CYP2J2: variants seen among roughly 807,000 people sequenced by gnomAD.
CYP2J2 encodes cytochrome P450 family 2 subfamily J member 2.
A neutral mutation model predicts 48.8 loss-of-function variants in CYP2J2; 41 were observed. That is an observed-to-expected ratio of 0.84 (90% CI 0.66 to 1.09). The LOEUF is 1.09. CYP2J2 is among the 50% of genes least tolerant of loss of function. The pLI, the probability that CYP2J2 is intolerant of heterozygous loss-of-function variation, is 0.00. For missense variants in CYP2J2, 644 were observed against 617.3 expected, an observed-to-expected ratio of 1.04 and a Z score of -0.46; for synonymous variants, 221 against 227.1, an observed-to-expected ratio of 0.97 and a Z score of 0.24.
At chr1:59,931,383 A>G (rs1644602180), upstream of CYP2J2, among the ~76,000 whole-genome samples, 1 of 152,148 alleles carries the variant, frequency 6.6e-6, no homozygotes, top group African/African-American at 2.4e-5. Context: ...AGCCCAACCA[A>G]GTTCTCAGCA....
At position 59,907,778 on chromosome 1, in the gene CYP2J2, A is replaced by G. The variant is rs1365918417; in HGVS notation, c.1003+8T>C. ...TCCTGGTTCAGGCTTACTCACTGAC[A>G]TGCTCACCTTGGATTTCTGGGTAGA... On this transcript the variant is annotated splice_region_variant and intron_variant, in intron 6 of 8. Transcript: ENST00000371204. 1 of 1,613,810 alleles carries G rather than the reference A, an allele frequency of 6.2e-7. No homozygotes were observed. Among genetic ancestry groups the G allele is most frequent in the South Asian group, 1.1e-5 (1 of 91,052 alleles).
Position 59,926,592 on chromosome 1 carries a change from A to G in CYP2J2, c.155T>C (p.Phe52Ser), listed in dbSNP as rs1161489434. ...GTCCACAAGGAAGAAGTTGCCAAGG[A>G]AGGGCAGGCGCCAGGGCCCCGGCGG... ...NYPPGPWRLP[F>S]LGNFFLVDFE... The change falls in exon 1 of 9, where the codon TTC (phenylalanine) becomes TCC (serine). Residue 52 changes from phenylalanine (F) to serine (S), a missense_variant. Physicochemically the swap from Phe to Ser is radical, Grantham distance 155. Transcript: ENST00000371204. 1 of 1,614,236 alleles carries G rather than the reference A, an allele frequency of 6.2e-7. No individual in the cohort carries two copies. The highest frequency in any genetic ancestry group is 2.2e-5 in the East Asian group (1 of 44,882).
chr1:59,931,061 C>G (rs1336885375), upstream of CYP2J2, among the ~76,000 whole-genome samples: 2 of 152,026 alleles, frequency 1.3e-5, no homozygotes, highest in African/African-American at 4.8e-5. Context: ...GCTGAACAAA[C>G]AGAAAGTTAA....
At chr1:59,941,674 A>AG in the CYP2J2 span, among the ~76,000 whole-genome samples, 1 of 152,194 alleles carries the variant, frequency 6.6e-6, no homozygotes, top group Non-Finnish European at 1.5e-5. Flanking sequence ...GAAGACAGTG[A>AG]TATTGATGAT....
the CYP2J2 span, among the ~76,000 whole-genome samples, chr1:59,943,348 T>G: frequency 1.3e-5 from 2 of 152,124 alleles, no homozygotes; most frequent in African/African-American, 4.8e-5. Context: ...GAGGAAACCT[T>G]TCATAACTGC....
At chr1:59,925,377 AT>A (rs1052200628) in intron 1 of CYP2J2, among the ~76,000 whole-genome samples, 1 of 152,036 alleles carries the variant, frequency 6.6e-6, no homozygotes, top group African/African-American at 2.4e-5. Context: ...TCAAATACAT[AT>A]TTTTTCCAGC....
chr1:59,937,813 C>A, the CYP2J2 span, among the ~76,000 whole-genome samples: 1 of 151,902 alleles, frequency 6.6e-6, no homozygotes, highest in African/African-American at 2.4e-5. Context: ...TCTTTGAGGT[C>A]ACTAATTCTT....
Position 59,911,757 on chromosome 1 carries a change from C to T in CYP2J2, c.535G>A (p.Asp179Asn). ...AIKEENGQPF[D>N]PHFKINNAVS... The stretch of plus-strand genomic sequence containing the variant: ...GCATTGTTGATCTTGAAATGAGGGT[C>T]AAAAGGCTGTCCTGAAGGTGGAGGA... Residue 179 changes from aspartate (D) to asparagine (N), a missense_variant, in exon 4 of 9, where the codon GAC becomes AAC. Coordinates refer to ENST00000371204, the MANE Select transcript of CYP2J2 (RefSeq NM_000775.4). The T allele has an allele frequency of 1.2e-6, 2 of 1,612,646 alleles. No homozygotes were observed. Among genetic ancestry groups the T allele is most frequent in the Non-Finnish European group, 8.5e-7 (1 of 1,179,324 alleles).
At chr1:59,958,460 C>T in the CYP2J2 span, among the ~76,000 whole-genome samples, 1 of 152,104 alleles carries the variant, frequency 6.6e-6, no homozygotes, top group Non-Finnish European at 1.5e-5. Flanking sequence ...GTTCTGTTAA[C>T]TGTTTTTGTC....
the CYP2J2 span, among the ~76,000 whole-genome samples, chr1:59,960,438 T>C: frequency 6.6e-6 from 1 of 152,214 alleles, no homozygotes; most frequent in African/African-American, 2.4e-5. Flanking sequence ...CAGGGGAAAG[T>C]ACACTGAATG....
chr1:59,906,147 C>T (rs1644363228), intron 6 of CYP2J2, among the ~76,000 whole-genome samples: 1 of 152,198 alleles, frequency 6.6e-6, no homozygotes, highest in Non-Finnish European at 1.5e-5. Context: ...GATGGTGCCA[C>T]TGCACTCCAG....
At chr1:59,934,399 G>A in the CYP2J2 span, among the ~76,000 whole-genome samples, 3 of 152,092 alleles carry the variant, frequency 2.0e-5, no homozygotes, top group Non-Finnish European at 4.4e-5. Flanking sequence ...TCAAACTAAA[G>A]CTTCTTCACA....
Position 59,893,598 on chromosome 1 carries a change from AGAACAC to A in CYP2J2, c.*47_*52del. ...CATCTGAGCAGACACCAGTGGTTTC[AGAACAC>A]GTGCCATGTCTTCTTACTTTCCTTG... On this transcript the variant is annotated 3_prime_UTR_variant, in exon 9 of 9. Transcript: ENST00000371204. 1 of 1,404,800 alleles carries A rather than the reference AGAACAC, an allele frequency of 7.1e-7. No individual in the cohort carries two copies. The highest frequency in any genetic ancestry group is 9.7e-7 in the Non-Finnish European group (1 of 1,031,070). 87.0% of individuals were successfully genotyped at this position (1,404,800 alleles called of 1,614,324 possible). A position where few individuals can be genotyped will look rare whatever the true frequency, so the allele number is the denominator to read the frequency against.
At chr1:59,899,195 T>G (rs1559071947) in intron 8 of CYP2J2, among the ~76,000 whole-genome samples, 1 of 152,246 alleles carries the variant, frequency 6.6e-6, no homozygotes, top group Non-Finnish European at 1.5e-5. Context: ...AGAACAGGAA[T>G]AATTAATTAT....
chr1:59,962,177 T>C, the CYP2J2 span, among the ~76,000 whole-genome samples: 1 of 152,184 alleles, frequency 6.6e-6, no homozygotes, highest in South Asian at 2.1e-4. Context: ...TGGAAACATT[T>C]TAGAAATTCA....
chr1:59,916,674 AATGAGCC>A (rs1644469035), intron 1 of CYP2J2, among the ~76,000 whole-genome samples: 1 of 152,182 alleles, frequency 6.6e-6, no homozygotes, highest in African/African-American at 2.4e-5. Flanking sequence ...TTGAGCCTGC[AATGAGCC>A]ATGATCGTGC....
chr1:59,905,520 G>A lies in CYP2J2; in HGVS notation c.1004-462C>T, dbSNP rs568562246. ...AGGTTTCAACATATAAATTTGGGCTGGGGTGGGCCCAAGTATTCAACCCAT... is the reference window on the plus strand; with the variant it reads ...AGGTTTCAACATATAAATTTGGGCTAGGGTGGGCCCAAGTATTCAACCCAT... On this transcript the variant is annotated intron_variant, in intron 6 of 8. Coordinates refer to ENST00000371204, the MANE Select transcript of CYP2J2 (RefSeq NM_000775.4). Among the ~76,000 whole-genome samples, 7 of 152,226 alleles carry A rather than the reference G, an allele frequency of 4.6e-5. No individual in the cohort carries two copies. In the South Asian group the frequency reaches 1.5e-3, roughly 32 times the overall value.
At position 59,926,564 on chromosome 1, in the gene CYP2J2, G is replaced by A. The variant is rs2229189; in HGVS notation, c.183C>T (p.Phe61=). Residue 61 remains phenylalanine, a synonymous_variant, in exon 1 of 9, where the codon TTC becomes TTT. Transcript: ENST00000371204. ...GCTGAACCTCCAGGTGCGACTGCTCGAAGTCCACAAGGAAGAAGTTGCCAA... is the reference window on the plus strand; with the variant it reads ...GCTGAACCTCCAGGTGCGACTGCTCAAAGTCCACAAGGAAGAAGTTGCCAA... The part of the protein sequence containing the change: ...PFLGNFFLVD[F]EQSHLEVQLF... 7.1e-3 allele frequency: 11,481 copies of A among 1,614,174 alleles called. 769 individuals carry two copies. In the Admixed American group the frequency reaches 0.13, roughly 19 times the overall value.
chr1:59,921,428 C>T (rs186922521), intron 1 of CYP2J2, among the ~76,000 whole-genome samples: 13 of 152,050 alleles, frequency 8.5e-5, no homozygotes, highest in African/African-American at 2.9e-4. Context: ...GACATGCAGT[C>T]AGGGAGGTTT....
Sources: gnomAD v4.1 joint callset for allele counts (sites outside exome capture counted in the v4.1 genomes callset) on GRCh38, gnomAD v4.1.1 for gene constraint, MANE v1.5 for transcripts, NCBI Gene and HGNC (gene_info 2026-07-23, HGNC 2026-07-21) for gene names.